Variants in C1GALT1 observed in about 807,000 individuals in gnomAD.
C1GALT1 encodes the protein glycoprotein-N-acetylgalactosamine 3-beta-galactosyltransferase 1.
A neutral mutation model predicts 31.0 loss-of-function variants in C1GALT1; 11 were observed. The ratio of observed to expected loss-of-function variants is 0.36; its 90% CI spans 0.22 to 0.59. C1GALT1 has a LOEUF of 0.59. C1GALT1 is among the 20% of genes least tolerant of loss of function. The pLI, the probability that C1GALT1 is intolerant of heterozygous loss-of-function variation, is 0.79. For synonymous variants in C1GALT1, 175 were observed against 143.6 expected (o/e 1.22, Z -1.56); for missense variants, 424 against 425.2 (o/e 1.00, Z 0.03).
intron 2 of C1GALT1, among the ~76,000 whole-genome samples, chr7:7,161,817 A>G (rs1036269179): frequency 1.3e-5 from 2 of 152,178 alleles, no homozygotes; most frequent in Non-Finnish European, 2.9e-5. Context: ...GGTAGGTGCT[A>G]TTTCAAGTAT....
At chr7:7,187,245 C>T (rs181267721) in intron 1 of C1GALT1, among the ~76,000 whole-genome samples, 152 of 148,730 alleles carry the variant, frequency 1.0e-3, no homozygotes, top group Middle Eastern at 3.4e-3. Flanking sequence ...TATCTCTATT[C>T]TTCCTGAGAT....
At chr7:7,220,823 A>AT (rs1395475810) in intron 1 of C1GALT1, among the ~76,000 whole-genome samples, 1 of 152,196 alleles carries the variant, frequency 6.6e-6, no homozygotes, top group African/African-American at 2.4e-5. Context: ...AAGTATCTTT[A>AT]TTCTTCCCTC....
chr7:7,228,129 C>T (rs984684690), intron 1 of C1GALT1, among the ~76,000 whole-genome samples: 7 of 152,118 alleles, frequency 4.6e-5, no homozygotes, highest in Non-Finnish European at 8.8e-5. Flanking sequence ...CTGTAATTAC[C>T]TCTCCTATTT....
chr7:7,199,943 T>C (rs948212942), intron 1 of C1GALT1, among the ~76,000 whole-genome samples: 3 of 152,216 alleles, frequency 2.0e-5, no homozygotes, highest in Non-Finnish European at 1.5e-5. Flanking sequence ...TCTCTGCACG[T>C]GAGATGGGTC....
chr7:7,181,942 T>G (rs531539783), upstream of C1GALT1, among the ~76,000 whole-genome samples: 7 of 152,214 alleles, frequency 4.6e-5, no homozygotes, highest in South Asian at 1.2e-3. Flanking sequence ...GTTACGCCCC[T>G]AAGAAGCTCT....
intron 3 of C1GALT1, among the ~76,000 whole-genome samples, 199 bp downstream of exon 3, chr7:7,239,121 A>T (rs1439871530): frequency 1.3e-5 from 2 of 152,238 alleles, no homozygotes; most frequent in Non-Finnish European, 2.9e-5. Context: ...GCAAATAGCT[A>T]TTGATGCTGT....
intron 1 of C1GALT1, among the ~76,000 whole-genome samples, chr7:7,189,932 C>T (rs1464099020): frequency 2.0e-5 from 3 of 151,954 alleles, no homozygotes; most frequent in African/African-American, 4.8e-5. Flanking sequence ...TTCAATAAGC[C>T]ACCTTTTTCT....
chr7:7,160,333 C>A (rs541443343), intron 2 of C1GALT1, among the ~76,000 whole-genome samples: 4 of 152,158 alleles, frequency 2.6e-5, no homozygotes, highest in Non-Finnish European at 5.9e-5. Context: ...CCTTCTACCT[C>A]CAACCCCTAA....
At chr7:7,213,116 G>A (rs575656566) in intron 1 of C1GALT1, among the ~76,000 whole-genome samples, 4 of 152,170 alleles carry the variant, frequency 2.6e-5, no homozygotes, top group African/African-American at 9.7e-5. Context: ...CTTGATATTT[G>A]TGAGCATGTC....
chr7:7,229,924 C>G (rs1782986553), intron 1 of C1GALT1, among the ~76,000 whole-genome samples: 4 of 152,178 alleles, frequency 2.6e-5, no homozygotes, highest in Admixed American at 2.6e-4. Context: ...CCTTTCTGAA[C>G]TTGAAGGTAC....
At chr7:7,222,736 T>G (rs576939010) in intron 1 of C1GALT1, among the ~76,000 whole-genome samples, 8 of 152,330 alleles carry the variant, frequency 5.3e-5, no homozygotes, top group African/African-American at 1.4e-4. Context: ...CGTTATAGTT[T>G]TTAAGAAAAT....
intron 1 of C1GALT1, among the ~76,000 whole-genome samples, chr7:7,224,268 GT>G (rs796473654): frequency 1.1e-4 from 15 of 136,052 alleles, no homozygotes; most frequent in East Asian, 4.0e-4. Context: ...GTTTTTTTTG[GT>G]TTTTTTTTTG....
At chr7:7,190,052 G>A (rs1324020709) in intron 1 of C1GALT1, among the ~76,000 whole-genome samples, 1 of 152,100 alleles carries the variant, frequency 6.6e-6, no homozygotes, top group Non-Finnish European at 1.5e-5. Flanking sequence ...ATCTGGTAGA[G>A]ACCACCAGGG....
chr7:7,243,659 CG>C lies in C1GALT1; in HGVS notation c.1025del (p.Arg342LeufsTer3). The C allele has an allele frequency of 6.2e-7, 1 of 1,608,168 alleles. No homozygotes were observed. On this transcript the variant is annotated frameshift_variant, in exon 4 of 4. Coordinates refer to ENST00000436587, the MANE Select transcript of C1GALT1 (RefSeq NM_020156.5). LOFTEE classifies it high-confidence loss of function. ...CAGATATCAACCTACCTTACCTGAA[CG>C]TATACTAAAGGAAATTAGTCAAGCA... ...LYRYQPTLPE[R>X]ILKEISQANK...
intron 1 of C1GALT1, among the ~76,000 whole-genome samples, chr7:7,221,663 A>G (rs1180833721): frequency 6.6e-6 from 1 of 152,236 alleles, no homozygotes; most frequent in Non-Finnish European, 1.5e-5. Flanking sequence ...TCAACCTCTT[A>G]GGAATTCCAT....
upstream of C1GALT1, among the ~76,000 whole-genome samples, chr7:7,181,192 A>ATTGCGGAGAGGTGGAAGGATG (rs1562555621): frequency 7.3e-5 from 8 of 109,178 alleles, no homozygotes; most frequent in East Asian, 1.8e-3. Context: ...ATGGCAAGAC[A>ATTGCGGAGAGGTGGAAGGATG]TTGCGGAAAG....
intron 1 of C1GALT1, among the ~76,000 whole-genome samples, chr7:7,190,782 A>G (rs1345993987): frequency 3.9e-5 from 6 of 152,048 alleles, no homozygotes; most frequent in Non-Finnish European, 8.8e-5. Flanking sequence ...ACCCCTTCCC[A>G]CAATGCCCCT....
intron 1 of C1GALT1, among the ~76,000 whole-genome samples, chr7:7,226,440 G>C (rs1370004311): frequency 2.0e-5 from 3 of 152,102 alleles, no homozygotes; most frequent in Non-Finnish European, 4.4e-5. Flanking sequence ...AGCCTGAAAG[G>C]AAGAAGACGT....
intron 1 of C1GALT1, among the ~76,000 whole-genome samples, chr7:7,201,407 G>A (rs763162705): frequency 1.3e-5 from 2 of 152,092 alleles, no homozygotes; most frequent in African/African-American, 2.4e-5. Context: ...GGTGCCAGTC[G>A]GCCCCTACTG....
Sources: allele counts gnomAD v4.1 joint callset (sites outside exome capture counted in the v4.1 genomes callset), GRCh38; gene constraint gnomAD v4.1.1; transcripts MANE v1.5; gene names NCBI Gene and HGNC (gene_info 2026-07-23, HGNC 2026-07-21).